LARGE1: variants seen among roughly 807,000 people sequenced by gnomAD.
The protein encoded by LARGE1 is LARGE xylosyl- and glucuronyltransferase 1, also known as xylosyl- and glucuronyltransferase LARGE1.
A neutral mutation model predicts 87.6 loss-of-function variants in LARGE1; 43 were observed. The observed-to-expected ratio is 0.49, with a 90% confidence interval of 0.38 to 0.63. The LOEUF (loss-of-function observed/expected upper bound fraction) is 0.63. LARGE1 is among the 30% of genes least tolerant of loss of function. The pLI is 0.00. For missense variants in LARGE1, 802 were observed against 1,000.2 expected (o/e 0.80, Z 2.67); for synonymous variants, 434 against 394.6 (o/e 1.10, Z -1.18).
intron 3 of LARGE1, among the ~76,000 whole-genome samples, chr22:33,636,569 C>T (rs1371806652): frequency 6.6e-6 from 1 of 152,138 alleles, no homozygotes; most frequent in Non-Finnish European, 1.5e-5. Context: ...GCTCCGTCAC[C>T]CAGGCTGGAG....
rs534062628 is a variant in LARGE1 at position 33,417,604 on chromosome 22, T to C, written c.892+14557A>G. ...ACACCCTTATTATTTCACAGTTAAG[T>C]AGGTGAGAAATCTTGGGGGCTCAGG... On this transcript the variant is annotated intron_variant, in intron 7 of 14. Coordinates refer to ENST00000397394, the MANE Select transcript of LARGE1 (RefSeq NM_133642.5). Among the ~76,000 whole-genome samples the C allele has an allele frequency of 2.0e-5, 3 of 152,334 alleles. No individual in the cohort carries two copies. In the South Asian group the frequency reaches 6.2e-4, roughly 32 times the overall value.
At chr22:33,890,584 T>G (rs184617366) in intron 1 of LARGE1, among the ~76,000 whole-genome samples, 22 of 152,252 alleles carry the variant, frequency 1.4e-4, no homozygotes, top group African/African-American at 5.3e-4. Flanking sequence ...TGAGTCAAGT[T>G]GAGAATCATC....
intron 1 of LARGE1, among the ~76,000 whole-genome samples, chr22:33,827,621 G>T (rs1291904342): frequency 6.6e-6 from 1 of 152,208 alleles, no homozygotes; most frequent in Non-Finnish European, 1.5e-5. Context: ...GGCCAATGCG[G>T]GAGCCACAGA....
intron 2 of LARGE1, among the ~76,000 whole-genome samples, chr22:33,680,532 C>T (rs1036953920): frequency 6.6e-6 from 1 of 151,906 alleles, no homozygotes; most frequent in Non-Finnish European, 1.5e-5. Flanking sequence ...CAATAACTAC[C>T]GGCTGAGAGC....
intron 2 of LARGE1, among the ~76,000 whole-genome samples, chr22:33,722,972 G>A (rs1415948126): frequency 6.6e-6 from 1 of 152,154 alleles, no homozygotes; most frequent in East Asian, 1.9e-4. Flanking sequence ...AATGCGGTAA[G>A]TGAGCCACTA....
intron 5 of LARGE1, among the ~76,000 whole-genome samples, chr22:33,592,657 T>C (rs1273165558): frequency 6.6e-6 from 1 of 151,990 alleles, no homozygotes; most frequent in Non-Finnish European, 1.5e-5. Flanking sequence ...CTTAAAACAA[T>C]TATTTACATA....
At chr22:33,253,109 A>T (rs1275404068) in intron 11 of LARGE1, among the ~76,000 whole-genome samples, 2 of 152,234 alleles carry the variant, frequency 1.3e-5, no homozygotes, top group Non-Finnish European at 2.9e-5. Flanking sequence ...TGTCAAGTGA[A>T]GTGGAGACAG....
chr22:33,643,815 A>C (rs2080519751), intron 3 of LARGE1, among the ~76,000 whole-genome samples: 1 of 152,234 alleles, frequency 6.6e-6, no homozygotes, highest in Non-Finnish European at 1.5e-5. Flanking sequence ...AATCTAGAAG[A>C]AATGGATAAA....
intron 9 of LARGE1, among the ~76,000 whole-genome samples, chr22:33,339,850 G>A (rs1250894337): frequency 6.6e-6 from 1 of 151,954 alleles, no homozygotes; most frequent in Non-Finnish European, 1.5e-5. Flanking sequence ...GTATTTTGTA[G>A]AGATGGGGTT....
intron 9 of LARGE1, among the ~76,000 whole-genome samples, chr22:33,370,531 T>C (rs952874824): frequency 2.0e-5 from 3 of 152,290 alleles, no homozygotes; most frequent in Non-Finnish European, 2.9e-5. Context: ...GGTCCCAATT[T>C]TGAGAGAAAT....
intron 1 of LARGE1, among the ~76,000 whole-genome samples, chr22:33,855,771 T>A (rs374267601): frequency 6.6e-6 from 1 of 152,194 alleles, no homozygotes; most frequent in African/African-American, 2.4e-5. Flanking sequence ...TTCTGATGAA[T>A]ATGTAGTGAA....
At chr22:33,594,181 G>A (rs1012703337) in intron 5 of LARGE1, among the ~76,000 whole-genome samples, 23 of 152,100 alleles carry the variant, frequency 1.5e-4, no homozygotes, top group South Asian at 4.2e-4. Context: ...CTTAGTTGTC[G>A]AGGCTCCTTT....
intron 9 of LARGE1, among the ~76,000 whole-genome samples, chr22:33,358,752 C>T (rs1051716575): frequency 1.3e-5 from 2 of 151,898 alleles, no homozygotes; most frequent in African/African-American, 2.4e-5. Flanking sequence ...TTTGGGAGGC[C>T]GAGCCGGGTG....
At chr22:33,316,395 T>C in intron 10 of LARGE1, 147 bp from the exon 11 acceptor site, 1 of 690,684 alleles carries the variant, frequency 1.4e-6, no homozygotes, top group South Asian at 1.8e-5. Context: ...GGATCACCAC[T>C]TTTATTTCCC....
At chr22:33,902,785 T>G (rs1180327555) in intron 1 of LARGE1, among the ~76,000 whole-genome samples, 1 of 152,166 alleles carries the variant, frequency 6.6e-6, no homozygotes, top group Non-Finnish European at 1.5e-5. Flanking sequence ...TATGTTGAAG[T>G]TCTAACCCCC....
At chr22:33,285,288 T>C (rs1602239495) in intron 12 of LARGE1, among the ~76,000 whole-genome samples, 1 of 152,060 alleles carries the variant, frequency 6.6e-6, no homozygotes, top group Admixed American at 6.6e-5. Flanking sequence ...TTGTAAGGCA[T>C]TTTGAAAAAC....
intron 6 of LARGE1, among the ~76,000 whole-genome samples, chr22:33,480,632 G>T (rs1417874768): frequency 6.6e-6 from 1 of 152,072 alleles, no homozygotes; most frequent in East Asian, 1.9e-4. Flanking sequence ...AACTTTGGAT[G>T]CATTTTATCT....
At chr22:33,427,985 T>C (rs2066937310) in intron 7 of LARGE1, among the ~76,000 whole-genome samples, 1 of 152,252 alleles carries the variant, frequency 6.6e-6, no homozygotes, top group South Asian at 2.1e-4. Context: ...AGTCATTTTT[T>C]TTCCTAATGT....
rs562638213 is a variant in LARGE1 at position 33,828,937 on chromosome 22, G to A, written c.-82-67379C>T. ...TCTTCCTCAATTATCTCAGAGGCTC[G>A]CTTTCTCACTTCATTCAGTGCTAGA... On this transcript the variant is annotated intron_variant, in intron 1 of 14. Transcript: ENST00000397394. 4.0e-5 allele frequency among the ~76,000 whole-genome samples: 6 copies of A among 150,830 alleles called. No homozygotes were observed. The South Asian group carries it at 6.3e-4, about 16-fold the overall frequency.
Sources: gnomAD v4.1 joint callset for allele counts (sites outside exome capture counted in the v4.1 genomes callset) on GRCh38, gnomAD v4.1.1 for gene constraint, MANE v1.5 for transcripts, NCBI Gene and HGNC (gene_info 2026-07-23, HGNC 2026-07-21) for gene names.